The following ATAD2 variants were observed in gnomAD, a reference collection of about 807,000 sequenced individuals.
ATAD2 encodes the protein ATPase family AAA domain-containing protein 2.
A neutral mutation model predicts 168.9 loss-of-function variants in ATAD2; 62 were observed. That is an observed-to-expected ratio of 0.37 (90% CI 0.30 to 0.45). The LOEUF is 0.45. Ranked by LOEUF, ATAD2 falls within the 20% of genes least tolerant of loss-of-function variation. ATAD2 has a pLI of 1.00. For missense variants in ATAD2, 1,419 were observed against 1,667.8 expected (o/e 0.85, Z 2.60); for synonymous variants, 613 against 571.6 (o/e 1.07, Z -1.03).
chr8:123,408,514 C>G (rs929673330), intron 1 of ATAD2, among the ~76,000 whole-genome samples: 9 of 152,190 alleles, frequency 5.9e-5, no homozygotes, highest in African/African-American at 2.2e-4. Flanking sequence ...GTCCCCTCCC[C>G]TCCCTTTCCT....
chr8:123,379,716 C>T (rs1362615565), intron 2 of ATAD2, among the ~76,000 whole-genome samples: 2 of 151,548 alleles, frequency 1.3e-5, no homozygotes, highest in Non-Finnish European at 2.9e-5. Flanking sequence ...GTGCATGCCA[C>T]TATGCCCAGC....
At chr8:123,409,692 G>A (rs540154425) in intron 1 of ATAD2, among the ~76,000 whole-genome samples, 175 of 152,012 alleles carry the variant, frequency 1.2e-3, no homozygotes, top group African/African-American at 4.1e-3. Context: ...CCTTGGCTGG[G>A]CACAGGGGCT....
intron 1 of ATAD2, among the ~76,000 whole-genome samples, chr8:123,382,354 T>C (rs1275151227): frequency 1.3e-5 from 2 of 152,234 alleles, no homozygotes; most frequent in African/African-American, 4.8e-5. Flanking sequence ...AAATATTAAA[T>C]GATGTGTAAG....
Position 123,320,425 on chromosome 8 carries a change from T to C in ATAD2, c.*709A>G, listed in dbSNP as rs1276362875. The C allele has an allele frequency of 6.6e-6, 1 of 152,110 alleles. No individual in the cohort carries two copies. Among genetic ancestry groups the C allele is most frequent in the African/African-American group, 2.4e-5 (1 of 41,438 alleles). The allele number at this position is 152,110 out of a possible 1,614,324, so 9.4% of individuals were successfully genotyped here. ...TCAACAGCTTGCAAATATAAAAACC[T>C]TGTGCTATTAAAAGGTGTTTAACAA... On this transcript the variant is annotated 3_prime_UTR_variant, in exon 28 of 28. Transcript: ENST00000287394.
At chr8:123,346,366 T>G in intron 17 of ATAD2, 94 bp from the exon 18 acceptor site, 1 of 1,263,214 alleles carries the variant, frequency 7.9e-7, no homozygotes, top group Non-Finnish European at 1.1e-6. Flanking sequence ...AAGTAAAAAG[T>G]CTTGCCAATA....
At chr8:123,389,148 T>G (rs1449903060) in intron 1 of ATAD2, among the ~76,000 whole-genome samples, 75 of 147,986 alleles carry the variant, frequency 5.1e-4, no homozygotes, top group African/African-American at 1.7e-3. Flanking sequence ...TTTTTTTTTT[T>G]TGTATTTTTA....
intron 1 of ATAD2, among the ~76,000 whole-genome samples, chr8:123,408,921 A>C (rs1813109231): frequency 6.7e-6 from 1 of 148,520 alleles, no homozygotes; most frequent in Non-Finnish European, 1.5e-5. Context: ...TCCGCCTCCC[A>C]AGTTCAAGCG....
intron 2 of ATAD2, among the ~76,000 whole-genome samples, chr8:123,373,922 T>A (rs1829232016): frequency 6.6e-6 from 1 of 152,208 alleles, no homozygotes; most frequent in East Asian, 1.9e-4. Flanking sequence ...GCAAGTGGGC[T>A]GGTTTATATG....
At chr8:123,399,918 C>A (rs1336736523), upstream of ATAD2, among the ~76,000 whole-genome samples, 1 of 152,130 alleles carries the variant, frequency 6.6e-6, no homozygotes, top group Non-Finnish European at 1.5e-5. Flanking sequence ...AATCCCAGCA[C>A]TTTGGGAGGG....
chr8:123,353,086 T>G (rs567563115), intron 13 of ATAD2, among the ~76,000 whole-genome samples: 111 of 136,380 alleles, frequency 8.1e-4, no homozygotes, highest in Non-Finnish European at 1.6e-3. Flanking sequence ...AAACAAGGCC[T>G]TGTGTGGTGG....
intron 6 of ATAD2, 40 bp from the exon 7 acceptor site, chr8:123,370,064 C>T: frequency 2.6e-6 from 4 of 1,538,548 alleles, no homozygotes; most frequent in Non-Finnish European, 3.5e-6. Flanking sequence ...AGATACTCAG[C>T]AAAATGTTAA....
In ATAD2 at chr8:123,396,307, C is replaced by T; in HGVS notation, c.51G>A (p.Ser17=). 6 of 1,610,276 alleles carry T rather than the reference C, an allele frequency of 3.7e-6. No homozygotes were observed. The highest frequency in any genetic ancestry group is 5.1e-6 in the Non-Finnish European group (6 of 1,178,938). The part of the protein sequence containing the change: ...SLELHNHSAA[S]ATGSLDLSSD... The stretch of plus-strand genomic sequence containing the variant: ...TGGACAGGTCCAAGGAGCCCGTGGC[C>T]GAGGCCGCGGAGTGGTTGTGCAGCT... Residue 17 remains serine, a synonymous_variant, in exon 1 of 28, where the codon TCG becomes TCA. Transcript: ENST00000287394.
At chr8:123,388,195 C>A (rs558900187) in intron 1 of ATAD2, among the ~76,000 whole-genome samples, 1 of 151,962 alleles carries the variant, frequency 6.6e-6, no homozygotes, top group East Asian at 1.9e-4. Context: ...CTGATCACTA[C>A]CTTCTTTATT....
intron 1 of ATAD2, among the ~76,000 whole-genome samples, chr8:123,406,252 C>G (rs1425676231): frequency 6.6e-6 from 1 of 151,736 alleles, no homozygotes; most frequent in South Asian, 2.1e-4. Flanking sequence ...TGGCACATGC[C>G]TATAATCCCA....
chr8:123,351,516 C>T (rs1828459334), intron 13 of ATAD2, among the ~76,000 whole-genome samples: 1 of 152,098 alleles, frequency 6.6e-6, no homozygotes, highest in South Asian at 2.1e-4. Flanking sequence ...TAAGAGGCTG[C>T]AAAATGGTGA....
Position 123,371,829 on chromosome 8 carries a change from A to G in ATAD2, c.377T>C (p.Val126Ala). Residue 126 changes from valine to alanine, a missense_variant, in exon 4 of 28, where the codon GTG becomes GCG. Physicochemically the swap from Val to Ala is moderately conservative, Grantham distance 64. This residue lies in a region of ATAD2 where 419 missense variants were observed against 423.5 expected (regional missense o/e 0.99). Transcript: ENST00000287394. The stretch of plus-strand genomic sequence containing the variant: ...CCTCAATGACCGAGTAACTGGAATC[A>G]CTTTGTCTTCACAAATGCATACATA... ...KKKEEHREDK[V>A]IPVTRSLRAR... The G allele has an allele frequency of 1.3e-6, 2 of 1,595,982 alleles. No homozygotes were observed. The highest frequency in any genetic ancestry group is 1.1e-5 in the South Asian group (1 of 87,014).
chr8:123,329,587 C>T (rs1827715155), intron 24 of ATAD2, among the ~76,000 whole-genome samples: 1 of 151,694 alleles, frequency 6.6e-6, no homozygotes, highest in South Asian at 2.1e-4. Context: ...ACGGTGAAAC[C>T]CCATCGCTAC....
chr8:123,398,139 C>T (rs1331233672), upstream of ATAD2, among the ~76,000 whole-genome samples: 2 of 151,432 alleles, frequency 1.3e-5, no homozygotes, highest in Non-Finnish European at 2.9e-5. Context: ...AATGCAATGT[C>T]TGGGGACATA....
At chr8:123,360,118 C>A (rs73705908) in intron 9 of ATAD2, among the ~76,000 whole-genome samples, 1 of 152,018 alleles carries the variant, frequency 6.6e-6, no homozygotes, top group Non-Finnish European at 1.5e-5. Flanking sequence ...ATTATTTTCC[C>A]CATTTTAAAA....
Sources: gnomAD v4.1 joint callset for allele counts (sites outside exome capture counted in the v4.1 genomes callset) on GRCh38, gnomAD v4.1.1 for gene constraint, gnomAD v4.1.1 regional missense constraint, MANE v1.5 for transcripts, NCBI Gene and HGNC (gene_info 2026-07-23, HGNC 2026-07-21) for gene names.